Variants in KLHL8 observed in about 807,000 individuals in gnomAD.
The protein encoded by KLHL8 is kelch-like protein 8.
KLHL8 carries 38 observed loss-of-function variants against 63.5 expected under a neutral mutation model. The ratio of observed to expected loss-of-function variants is 0.60; its 90% confidence interval spans 0.46 to 0.78. The LOEUF (loss-of-function observed/expected upper bound fraction) is 0.78. KLHL8 is among the 30% of genes least tolerant of loss of function. KLHL8 has a pLI of 0.00. For missense variants in KLHL8, 566 were observed against 752.4 expected, an observed-to-expected ratio of 0.75 and a Z score of 2.90; for synonymous variants, 224 against 254.3, an observed-to-expected ratio of 0.88 and a Z score of 1.13.
chr4:87,222,679 G>A (rs1732901234), upstream of KLHL8, among the ~76,000 whole-genome samples: 2 of 152,070 alleles, frequency 1.3e-5, no homozygotes, highest in Admixed American at 1.3e-4. Flanking sequence ...CACCTCCCAG[G>A]TTCAAGTGAT....
intron 1 of KLHL8, among the ~76,000 whole-genome samples, chr4:87,239,224 C>A (rs893144568): frequency 6.6e-6 from 1 of 152,126 alleles, no homozygotes; most frequent in Non-Finnish European, 1.5e-5. Context: ...GACACTCTAG[C>A]GTTTCTTTAA....
chr4:87,207,806 C>T (rs1436429774), intron 1 of KLHL8: 15 of 997,492 alleles, frequency 1.5e-5, no homozygotes, highest in Middle Eastern at 3.1e-4. Flanking sequence ...GCCAAGGTGT[C>T]GGTCATTAAC....
chr4:87,195,713 G>A (rs1483877137), intron 1 of KLHL8, 23 bp from the exon 2 acceptor site: 18 of 507,284 alleles, frequency 3.5e-5, no homozygotes, highest in South Asian at 7.4e-5. Flanking sequence ...CAATAAAACA[G>A]GTAGAGACAA....
chr4:87,213,574 T>C (rs1053518504), intron 1 of KLHL8, among the ~76,000 whole-genome samples: 1 of 152,282 alleles, frequency 6.6e-6, no homozygotes, highest in Admixed American at 6.5e-5. Context: ...CTTATTAACA[T>C]AGTTACTGAC....
chr4:87,188,467 A>G (rs866568987), intron 2 of KLHL8, among the ~76,000 whole-genome samples: 1 of 152,196 alleles, frequency 6.6e-6, no homozygotes, highest in African/African-American at 2.4e-5. Context: ...GTTGTTTTTA[A>G]TAAGATTCTG....
intron 1 of KLHL8, among the ~76,000 whole-genome samples, chr4:87,229,271 G>C (rs1263216756): frequency 6.6e-6 from 1 of 152,124 alleles, no homozygotes; most frequent in East Asian, 1.9e-4. Context: ...CTGTTGAATA[G>C]AAAACAGATG....
At chr4:87,210,353 C>A (rs991059314) in intron 1 of KLHL8, among the ~76,000 whole-genome samples, 1 of 152,028 alleles carries the variant, frequency 6.6e-6, no homozygotes, top group Non-Finnish European at 1.5e-5. Flanking sequence ...TGGTGGCGGG[C>A]GCCTGTAGTC....
intron 6 of KLHL8, among the ~76,000 whole-genome samples, chr4:87,171,875 T>C (rs1001580951): frequency 2.0e-5 from 3 of 152,238 alleles, no homozygotes; most frequent in Admixed American, 1.3e-4. Context: ...TCCACAGATT[T>C]GTGATAATTC....
intron 1 of KLHL8, among the ~76,000 whole-genome samples, chr4:87,226,686 A>T (rs1438962113): frequency 6.4e-3 from 16 of 2,502 alleles, no homozygotes; most frequent in Admixed American, 0.034. Context: ...TTTATATATA[A>T]TATATATATT....
chr4:87,174,631 AAGAT>A (rs1482909503), intron 6 of KLHL8, among the ~76,000 whole-genome samples: 2 of 152,194 alleles, frequency 1.3e-5, no homozygotes, highest in South Asian at 4.1e-4. Flanking sequence ...AATATTTACT[AAGAT>A]AGCCCTCTTC....
intron 8 of KLHL8, among the ~76,000 whole-genome samples, chr4:87,164,913 C>CTG (rs1730319422): frequency 6.6e-6 from 1 of 151,852 alleles, no homozygotes; most frequent in Non-Finnish European, 1.5e-5. Flanking sequence ...CTTTGGGAGG[C>CTG]CAAGGGGGGC....
intron 4 of KLHL8, among the ~76,000 whole-genome samples, chr4:87,181,081 G>A (rs1441645933): frequency 6.6e-6 from 1 of 151,796 alleles, no homozygotes; most frequent in Non-Finnish European, 1.5e-5. Context: ...AAACTGTGAA[G>A]ATCATTTAGT....
At chr4:87,211,073 C>G (rs968255718) in intron 1 of KLHL8, among the ~76,000 whole-genome samples, 1 of 152,196 alleles carries the variant, frequency 6.6e-6, no homozygotes, top group Non-Finnish European at 1.5e-5. Context: ...ACTGCTATTA[C>G]TCCCATGTTC....
At chr4:87,209,504 G>A (rs533109431) in intron 1 of KLHL8, among the ~76,000 whole-genome samples, 3 of 152,242 alleles carry the variant, frequency 2.0e-5, no homozygotes, top group Non-Finnish European at 2.9e-5. Context: ...ATAGTTCAAC[G>A]CAGAGCATAT....
intron 6 of KLHL8, among the ~76,000 whole-genome samples, chr4:87,176,318 C>T (rs1247727287): frequency 1.3e-5 from 2 of 152,172 alleles, no homozygotes; most frequent in Non-Finnish European, 2.9e-5. Context: ...TTTCTGACTT[C>T]TTCCCATAGA....
chr4:87,172,076 C>G (rs1459719628), intron 6 of KLHL8, among the ~76,000 whole-genome samples: 1 of 152,076 alleles, frequency 6.6e-6, no homozygotes, highest in Admixed American at 6.5e-5. Flanking sequence ...CATTATATGG[C>G]AAAAGGGAGG....
intron 7 of KLHL8, 26 bp from the exon 8 acceptor site, chr4:87,170,264 A>G: frequency 6.3e-7 from 1 of 1,586,328 alleles, no homozygotes; most frequent in Non-Finnish European, 8.6e-7. Flanking sequence ...CAAACAAAAC[A>G]CATTAGATTT....
intron 1 of KLHL8, among the ~76,000 whole-genome samples, chr4:87,206,255 C>T (rs913503985): frequency 6.6e-5 from 10 of 152,216 alleles, no homozygotes; most frequent in African/African-American, 2.4e-4. Flanking sequence ...CCTAACCAAT[C>T]ACCACATTCC....
At chr4:87,182,628 T>C (rs1359500030) in intron 4 of KLHL8, among the ~76,000 whole-genome samples, 1 of 152,114 alleles carries the variant, frequency 6.6e-6, no homozygotes, top group East Asian at 1.9e-4. Flanking sequence ...GAAGCGAACA[T>C]GAACTATTTT....
Sources: allele counts gnomAD v4.1 joint callset (sites outside exome capture counted in the v4.1 genomes callset), GRCh38; gene constraint gnomAD v4.1.1; transcripts MANE v1.5; gene names NCBI Gene and HGNC (gene_info 2026-07-23, HGNC 2026-07-21).